The following PDXDC1 variants were observed in gnomAD, a reference collection of about 807,000 sequenced individuals.
The protein encoded by PDXDC1 is pyridoxal dependent decarboxylase domain containing 1, also known as pyridoxal-dependent decarboxylase domain-containing protein 1.
In PDXDC1, 42 loss-of-function variants were observed where a neutral mutation model predicts 100.1. That is an observed-to-expected ratio of 0.42 (90% CI 0.33 to 0.54). The LOEUF (loss-of-function observed/expected upper bound fraction) is 0.54, where lower values mean the gene tolerates loss of function less well. PDXDC1 is among the 20% of genes least tolerant of loss of function. The pLI, the probability that PDXDC1 is intolerant of heterozygous loss-of-function variation, is 0.10. For synonymous variants in PDXDC1, 260 were observed against 371.7 expected (o/e 0.70, Z 3.46); for missense variants, 636 against 979.2 (o/e 0.65, Z 4.68).
chr16:15,039,422 C>G (rs545584215), downstream of PDXDC1, among the ~76,000 whole-genome samples: 1 of 152,154 alleles, frequency 6.6e-6, no homozygotes, highest in African/African-American at 2.4e-5. Flanking sequence ...TTAAAGAATT[C>G]TTTCACCCAT....
At chr16:15,133,986 A>G in intron 16 of PDXDC1, 1 of 1,349,458 alleles carries the variant, frequency 7.4e-7, no homozygotes, top group Non-Finnish European at 1.0e-6. Flanking sequence ...GCCCCGCCGC[A>G]GCACCAGTCA....
At position 15,097,866 on chromosome 16, in the gene PDXDC1, TTTTA is replaced by T. The variant is rs202169358; in HGVS notation, c.1400-41009_1400-41006del. Among the ~76,000 whole-genome samples the T allele has an allele frequency of 7.1e-3, 1,077 of 152,116 alleles. 6 individuals are homozygous for T. Among genetic ancestry groups the T allele is most frequent in the Non-Finnish European group, 0.011 (778 of 68,002 alleles). ...CTCCTAAACAATGCACTATATTTAC[TTTTA>T]TTTGTCTTTGCATTTTATAAAGTTA... On this transcript the variant is annotated intron_variant, in intron 16 of 16. Transcript: ENST00000535621.
intron 16 of PDXDC1, among the ~76,000 whole-genome samples, chr16:15,030,490 G>A (rs1332093720): frequency 5.6e-5 from 8 of 142,516 alleles, no homozygotes; most frequent in African/African-American, 1.8e-4. Flanking sequence ...AGGTTGCAGT[G>A]AGCTGAGATT....
intron 1 of PDXDC1, among the ~76,000 whole-genome samples, chr16:14,982,657 A>G: frequency 6.6e-6 from 1 of 152,298 alleles, no homozygotes; most frequent in Non-Finnish European, 1.5e-5. Context: ...AGACTCCAAT[A>G]AGATAAACCA....
At chr16:15,130,991 A>G (rs577337406) in intron 16 of PDXDC1, 11 of 859,036 alleles carry the variant, frequency 1.3e-5, no homozygotes, top group Admixed American at 8.3e-5. Context: ...ACAGAAAGCA[A>G]ATTTCACCAG....
At chr16:15,051,658 T>C (rs1339599234) in intron 16 of PDXDC1, among the ~76,000 whole-genome samples, 1 of 144,526 alleles carries the variant, frequency 6.9e-6, no homozygotes, top group African/African-American at 2.6e-5. Context: ...GCTAGGATTA[T>C]AGGCATGAGC....
chr16:15,036,737 A>G lies in PDXDC1; in HGVS notation c.*462A>G, dbSNP rs6498540. 52,487 of 167,848 alleles carry G rather than the reference A, an allele frequency of 0.31. 8,768 individuals carry two copies. Among genetic ancestry groups the G allele is most frequent in the Admixed American group, 0.45 (8,063 of 18,014 alleles). 10.4% of individuals were successfully genotyped at this position (167,848 alleles called of 1,614,324 possible). ...TTAGTACGATCAAGTTGCAATATACAGTGGGACTGCTAGACTTGAAGGAGA... is the reference window on the plus strand; with the variant it reads ...TTAGTACGATCAAGTTGCAATATACGGTGGGACTGCTAGACTTGAAGGAGA... On this transcript the variant is annotated 3_prime_UTR_variant, in exon 23 of 23. Transcript: ENST00000396410.
chr16:15,125,476 C>T (rs1234339116), intron 16 of PDXDC1: 27 of 1,014,854 alleles, frequency 2.7e-5, no homozygotes, highest in Middle Eastern at 3.0e-4. Context: ...AGCAAGGACA[C>T]GCAGCCCGCA....
chr16:14,976,455 A>G (rs2081354736), intron 1 of PDXDC1, among the ~76,000 whole-genome samples: 1 of 152,296 alleles, frequency 6.6e-6, no homozygotes, highest in Admixed American at 6.5e-5. Context: ...TGGGTTGCTT[A>G]GCATAAATTG....
intron 16 of PDXDC1, among the ~76,000 whole-genome samples, chr16:15,052,838 AAATAAATAAATAATAAAAG>A (rs1300389854): frequency 6.6e-6 from 1 of 152,062 alleles, no homozygotes; most frequent in Non-Finnish European, 1.5e-5. Flanking sequence ...AAAAAAAAAT[AAATAAATAAATAATAAAAG>A]CAGGAACTAA....
intron 16 of PDXDC1, chr16:15,048,173 C>T: frequency 9.6e-7 from 1 of 1,039,686 alleles, no homozygotes; most frequent in South Asian, 1.4e-5. Context: ...GTGGAGAGAG[C>T]CAAAGTGGGC....
At chr16:15,023,480 T>C (rs1162740439) in intron 13 of PDXDC1, among the ~76,000 whole-genome samples, 19 of 152,398 alleles carry the variant, frequency 1.2e-4, no homozygotes, top group Non-Finnish European at 2.4e-4. Flanking sequence ...TATTTTTCTT[T>C]TAGAACATGG....
At chr16:15,018,720 G>A (rs1309960172) in intron 11 of PDXDC1, 120 bp from the exon 12 acceptor site, 1 of 813,610 alleles carries the variant, frequency 1.2e-6, no homozygotes, top group Non-Finnish European at 2.0e-6. Context: ...CATGGATAAT[G>A]CAAGCCTAGT....
chr16:15,072,535 T>C (rs1237356027), intron 16 of PDXDC1, among the ~76,000 whole-genome samples: 1 of 152,074 alleles, frequency 6.6e-6, no homozygotes, highest in Non-Finnish European at 1.5e-5. Flanking sequence ...GGCACAGTTG[T>C]TCACACCTGT....
intron 16 of PDXDC1, chr16:15,128,276 C>T (rs569917420): frequency 1.5e-5 from 24 of 1,610,920 alleles, no homozygotes; most frequent in Middle Eastern, 2.3e-4. Flanking sequence ...TGCGGGGTGG[C>T]GATCCGGAAG....
At chr16:15,071,736 C>G (rs1597907235) in intron 16 of PDXDC1, among the ~76,000 whole-genome samples, 1 of 152,154 alleles carries the variant, frequency 6.6e-6, no homozygotes, top group East Asian at 1.9e-4. Flanking sequence ...CCACTACACT[C>G]CAGCCTGGGT....
intron 16 of PDXDC1, among the ~76,000 whole-genome samples, chr16:15,099,212 C>G (rs570225300): frequency 1.2e-4 from 19 of 152,154 alleles, no homozygotes; most frequent in Admixed American, 1.2e-3. Flanking sequence ...CACTTGAGAT[C>G]AGGAGTTCAA....
chr16:15,074,194 G>A (rs560333755), intron 16 of PDXDC1, among the ~76,000 whole-genome samples: 2 of 152,252 alleles, frequency 1.3e-5, no homozygotes, highest in African/African-American at 4.8e-5. Flanking sequence ...AAACAGTAAT[G>A]CAGTCAACTC....
At chr16:15,140,113 A>AAAAG (rs2048443230), downstream of PDXDC1, among the ~76,000 whole-genome samples, 1 of 149,944 alleles carries the variant, frequency 6.7e-6, no homozygotes, top group Admixed American at 6.7e-5. Context: ...AAAAAAAAAA[A>AAAAG]AAAAAGAAAA....
Sources: allele counts gnomAD v4.1 joint callset (sites outside exome capture counted in the v4.1 genomes callset), GRCh38; gene constraint gnomAD v4.1.1; transcripts MANE v1.5; gene names NCBI Gene and HGNC (gene_info 2026-07-23, HGNC 2026-07-21).